The following CRHR1 variants were observed in gnomAD, a reference collection of about 807,000 sequenced individuals.
CRHR1 encodes the protein corticotropin releasing hormone receptor 1, also known as corticotropin-releasing hormone receptor 1.
A neutral mutation model predicts 56.0 loss-of-function variants in CRHR1; 28 were observed. That is an observed-to-expected ratio of 0.50 (90% CI 0.37 to 0.69). The LOEUF is 0.69. CRHR1 is among the 30% of genes least tolerant of loss of function. The probability of loss-of-function intolerance (pLI) is 0.00; values close to 1 mark genes in which losing one functional copy is unlikely to be tolerated. For synonymous variants in CRHR1, 195 were observed against 216.5 expected, an observed-to-expected ratio of 0.90 and a Z score of 0.87; for missense variants, 376 against 548.0, an observed-to-expected ratio of 0.69 and a Z score of 3.13.
chr17:45,822,249 T>A (rs1296388856), intron 4 of CRHR1, among the ~76,000 whole-genome samples: 1 of 152,252 alleles, frequency 6.6e-6, no homozygotes. Flanking sequence ...CCATAACTTA[T>A]TTAAACCAGT....
At chr17:45,792,637 A>G (rs921006151) in intron 1 of CRHR1, among the ~76,000 whole-genome samples, 3 of 151,768 alleles carry the variant, frequency 2.0e-5, no homozygotes, top group Admixed American at 2.0e-4. Flanking sequence ...AACTGGCCCC[A>G]CCTCCTCCTC....
Position 45,833,806 on chromosome 17 carries a change from G to A in CRHR1, c.1022G>A (p.Arg341Gln), listed in dbSNP as rs374618770. Reference sequence around the variant, plus strand: ...AATCCCGGGGAGGATGAGGTCTCCCGGGTCGTCTTCATCTACTTCAACTCC... The same window carrying A: ...AATCCCGGGGAGGATGAGGTCTCCCAGGTCGTCTTCATCTACTTCAACTCC... ...FVNPGEDEVS[R>Q]VVFIYFNSFL... is the part of the protein sequence containing the mutation. The change falls in exon 11 of 13, where the codon CGG (arginine) becomes CAG (glutamine). Residue 341 changes from arginine (R) to glutamine (Q), a missense_variant. By Grantham distance (43) the Arg-to-Gln change is conservative. Around this residue, in one of 2 missense-constraint regions of CRHR1, gnomAD observed 369 missense variants for 519.5 expected, o/e 0.71. Transcript: ENST00000314537. 1.2e-5 allele frequency: 20 copies of A among 1,612,796 alleles called. No individual in the cohort carries two copies. Among genetic ancestry groups the A allele is most frequent in the Admixed American group, 5.0e-5 (3 of 59,918 alleles).
Position 45,784,687 on chromosome 17 carries a change from G to T in CRHR1, c.33+110G>T. 1 of 1,190,012 alleles carries T rather than the reference G, an allele frequency of 8.4e-7. No homozygotes were observed. 73.7% of individuals were successfully genotyped at this position (1,190,012 alleles called of 1,614,324 possible). On this transcript the variant is annotated intron_variant, in intron 1 of 12. Coordinates refer to ENST00000314537, the MANE Select transcript of CRHR1 (RefSeq NM_004382.5). This position sits in a 1 kb window ranked among gnomAD's most constrained non-coding sequence, Gnocchi z 4.2. ...GGGGCGGGGGCGCTGGGAGAGCCGT[G>T]CTTAGGTCGGGGAAGGCTGGGCTCC...
chr17:45,831,009 A>C, intron 8 of CRHR1, 69 bp downstream of exon 8: 3 of 1,458,476 alleles, frequency 2.1e-6, no homozygotes, highest in Non-Finnish European at 2.9e-6. Flanking sequence ...GACACTCCCC[A>C]CGGGCATTGG....
chr17:45,804,746 G>A (rs542271626), intron 1 of CRHR1, among the ~76,000 whole-genome samples: 1 of 152,146 alleles, frequency 6.6e-6, no homozygotes, highest in African/African-American at 2.4e-5. Context: ...TGGGAAGATG[G>A]CGCATGAGTG....
chr17:45,797,279 C>CTTTCT (rs1280958918), intron 1 of CRHR1, among the ~76,000 whole-genome samples: 14 of 133,550 alleles, frequency 1.0e-4, no homozygotes, highest in African/African-American at 3.8e-4. Context: ...CTTTTTCTTT[C>CTTTCT]TTTCTTTTTT....
In CRHR1 at chr17:45,830,266, G is replaced by A. The variant is rs775047586; in HGVS notation, c.555+52G>A. On this transcript the variant is annotated intron_variant, in intron 6 of 12. Transcript: ENST00000314537. ...CAGGTCAGGCCAAACCCAGGTCAGA[G>A]GAGGGGCCCGCCTGCCCTGCAGAGG... The A allele has an allele frequency of 1.2e-5, 19 of 1,603,386 alleles. No individual in the cohort carries two copies. In the African/African-American group the frequency reaches 2.3e-4, roughly 19 times the overall value.
intron 3 of CRHR1, among the ~76,000 whole-genome samples, chr17:45,821,108 G>A (rs2062030030): frequency 6.6e-6 from 1 of 152,252 alleles, no homozygotes; most frequent in South Asian, 2.1e-4. Context: ...CTGTGGGCAT[G>A]ATCATGCCAG....
At chr17:45,792,021 C>T (rs1268898916) in intron 1 of CRHR1, among the ~76,000 whole-genome samples, 1 of 152,174 alleles carries the variant, frequency 6.6e-6, no homozygotes, top group Non-Finnish European at 1.5e-5. Flanking sequence ...GCAATGCCAC[C>T]TCAAGGCCAG....
chr17:45,793,694 A>G (rs1476636918), intron 1 of CRHR1, among the ~76,000 whole-genome samples: 1 of 152,162 alleles, frequency 6.6e-6, no homozygotes, highest in Non-Finnish European at 1.5e-5. Flanking sequence ...TGTGAAATGC[A>G]GGGCAGGGGG....
At chr17:45,793,409 C>G (rs1378076098) in intron 1 of CRHR1, among the ~76,000 whole-genome samples, 1 of 152,134 alleles carries the variant, frequency 6.6e-6, no homozygotes, top group African/African-American at 2.4e-5. Flanking sequence ...TCAGGGCACT[C>G]TAGCCTCCAA....
In CRHR1 at chr17:45,833,945, G is replaced by T. The variant is rs373676247; in HGVS notation, c.1066-62G>T. 621 of 1,613,254 alleles carry T rather than the reference G, an allele frequency of 3.8e-4. 3 individuals are homozygous for T. The African/African-American group carries it at 7.5e-3, about 19-fold the overall frequency. ...GGAGGCCAGGGAGAAGCAAGGGGCA[G>T]CCCAGAGGCTGGGTGGGCAACACCT... On this transcript the variant is annotated intron_variant, in intron 11 of 12. Transcript: ENST00000314537.
Position 45,791,434 on chromosome 17 carries a change from C to A in CRHR1, c.33+6857C>A, listed in dbSNP as rs557109658. On this transcript the variant is annotated intron_variant, in intron 1 of 12. Coordinates refer to ENST00000314537, the MANE Select transcript of CRHR1 (RefSeq NM_004382.5). Reference sequence around the variant, plus strand: ...GATGATTTCACTCTTACGGAAGATGCGGAGACAGACAGACAGTGAGAGAAG... The same window carrying A: ...GATGATTTCACTCTTACGGAAGATGAGGAGACAGACAGACAGTGAGAGAAG... 4.6e-5 allele frequency among the ~76,000 whole-genome samples: 7 copies of A among 152,184 alleles called. No individual in the cohort carries two copies. In the South Asian group the frequency reaches 1.5e-3, roughly 32 times the overall value.
At chr17:45,824,185 G>A (rs1388880065) in intron 4 of CRHR1, among the ~76,000 whole-genome samples, 1 of 152,202 alleles carries the variant, frequency 6.6e-6, no homozygotes, top group Non-Finnish European at 1.5e-5. Flanking sequence ...GACCGTTCAG[G>A]GATGTGAGGA....
chr17:45,833,694 C>A lies in CRHR1; in HGVS notation c.930-20C>A. On this transcript the variant is annotated intron_variant, in intron 10 of 12. Coordinates refer to ENST00000314537, the MANE Select transcript of CRHR1 (RefSeq NM_004382.5). The stretch of plus-strand genomic sequence containing the variant: ...TGGGGTGGGCTGTGACTCCGAGCCT[C>A]CCCACCCGCCCCACCCCAGGAAGGC... 1 of 581,964 alleles carries A rather than the reference C, an allele frequency of 1.7e-6. No homozygotes were observed. The highest frequency in any genetic ancestry group is 3.2e-6 in the Non-Finnish European group (1 of 313,456). 36.1% of individuals were successfully genotyped at this position (581,964 alleles called of 1,614,324 possible). A position where few individuals can be genotyped will look rare whatever the true frequency, so the allele number is the denominator to read the frequency against.
intron 2 of CRHR1, among the ~76,000 whole-genome samples, chr17:45,810,605 G>A (rs2061803858): frequency 6.6e-6 from 1 of 152,106 alleles, no homozygotes; most frequent in African/African-American, 2.4e-5. Flanking sequence ...GGGGTGCAGG[G>A]CCACCCCTGC....
chr17:45,829,579 G>T (rs1568068627), intron 5 of CRHR1: 1 of 1,550,740 alleles, frequency 6.4e-7, no homozygotes, highest in Non-Finnish European at 8.7e-7. Flanking sequence ...GCACCCATTG[G>T]GGTGACCAGG....
Position 45,784,420 on chromosome 17 carries a change from A to T in CRHR1, c.-125A>T. ...GAAGCGCCGAGCCGGGCATCTCCTC[A>T]CCAGGCAGCGACCGAGGAGCCCGGC... On this transcript the variant is annotated 5_prime_UTR_variant, in exon 1 of 13. Transcript: ENST00000314537. This position sits in a 1 kb window ranked among gnomAD's most constrained non-coding sequence, Gnocchi z 4.2. 1.2e-6 allele frequency: 1 copy of T among 848,600 alleles called. No individual in the cohort carries two copies. Among genetic ancestry groups the T allele is most frequent in the African/African-American group, 1.8e-5 (1 of 55,838 alleles). The allele number at this position is 848,600 out of a possible 1,614,324, so 52.6% of individuals were successfully genotyped here.
rs370459452 is a variant in CRHR1 at position 45,833,677 on chromosome 17, G to A, written c.930-37G>A. ...CAGCGGGCAGCCCGTCCTGGGGTGG[G>A]CTGTGACTCCGAGCCTCCCCACCCG... On this transcript the variant is annotated intron_variant, in intron 10 of 12. Coordinates refer to ENST00000314537, the MANE Select transcript of CRHR1 (RefSeq NM_004382.5). The A allele has an allele frequency of 3.1e-6, 5 of 1,602,104 alleles. No individual in the cohort carries two copies. In the African/African-American group the frequency reaches 4.0e-5, roughly 13 times the overall value.
Sources: gnomAD v4.1 joint callset for allele counts (sites outside exome capture counted in the v4.1 genomes callset) on GRCh38, gnomAD v4.1.1 for gene constraint, gnomAD v4.1.1 regional missense constraint, Gnocchi (gnomAD v3.1) non-coding constraint, MANE v1.5 for transcripts, NCBI Gene and HGNC (gene_info 2026-07-23, HGNC 2026-07-21) for gene names.